Variants in RLF observed in about 807,000 individuals in gnomAD.
RLF encodes zinc finger protein Rlf.
In RLF, 7 loss-of-function variants were observed where a neutral mutation model predicts 162.9. The ratio of observed to expected loss-of-function variants is 0.04; its 90% CI spans 0.02 to 0.08. The LOEUF is 0.08. Among genes scored for constraint, RLF ranks in the 10% least tolerant of loss-of-function variants. The pLI is 1.00. For missense variants in RLF, 1,664 were observed against 2,244.7 expected (o/e 0.74, Z 5.23); for synonymous variants, 782 against 791.5 (o/e 0.99, Z 0.20).
rs1388872320 is a variant in RLF at position 40,240,469 on chromosome 1, C to T, written c.*22C>T. 2.8e-5 allele frequency: 43 copies of T among 1,549,670 alleles called. No homozygotes were observed. The highest frequency in any genetic ancestry group is 3.8e-5 in the Non-Finnish European group (43 of 1,129,020). The stretch of plus-strand genomic sequence containing the variant: ...ATAAGTAGCAATTTTGTTTTAGTAA[C>T]AGACTGGCTCCAACACTGCAACATG... On this transcript the variant is annotated 3_prime_UTR_variant, in exon 8 of 8. Transcript: ENST00000372771.
intron 5 of RLF, among the ~76,000 whole-genome samples, chr1:40,209,314 T>A (rs1642837649): frequency 6.6e-6 from 1 of 152,232 alleles, no homozygotes; most frequent in Admixed American, 6.5e-5. Flanking sequence ...TTTCCTTATC[T>A]ATAAAGTAGG....
At chr1:40,177,588 G>A (rs1482441237) in intron 1 of RLF, among the ~76,000 whole-genome samples, 2 of 151,916 alleles carry the variant, frequency 1.3e-5, no homozygotes, top group East Asian at 1.9e-4. Flanking sequence ...CCACTGCACC[G>A]GCCAACAGTG....
intron 4 of RLF, among the ~76,000 whole-genome samples, chr1:40,201,235 A>C (rs1642715777): frequency 1.3e-5 from 2 of 151,350 alleles, no homozygotes; most frequent in South Asian, 4.2e-4. Context: ...CAGTTTGTTT[A>C]CTCACCACTT....
intron 5 of RLF, among the ~76,000 whole-genome samples, chr1:40,205,118 C>G (rs1219948076): frequency 6.6e-6 from 1 of 152,178 alleles, no homozygotes; most frequent in African/African-American, 2.4e-5. Flanking sequence ...TATAACCACC[C>G]CATTGGCATT....
chr1:40,214,292 A>C (rs1418373907), intron 5 of RLF, among the ~76,000 whole-genome samples: 4 of 152,212 alleles, frequency 2.6e-5, no homozygotes, highest in African/African-American at 7.2e-5. Flanking sequence ...TAAGAGTTCT[A>C]ATCACCATTT....
chr1:40,235,621 T>A (rs1052304420), intron 7 of RLF, among the ~76,000 whole-genome samples, 171 bp from the exon 8 acceptor site: 1 of 152,230 alleles, frequency 6.6e-6, no homozygotes, highest in Admixed American at 6.5e-5. Flanking sequence ...TCTAATTTAG[T>A]TCTTTGCATG....
intron 1 of RLF, among the ~76,000 whole-genome samples, chr1:40,174,039 T>C (rs1482268523): frequency 6.6e-6 from 1 of 152,198 alleles, no homozygotes; most frequent in East Asian, 1.9e-4. Flanking sequence ...GCTGAGTAAC[T>C]GGAAAGACTG....
chr1:40,167,407 A>C (rs1045726980), intron 1 of RLF, among the ~76,000 whole-genome samples: 1 of 152,226 alleles, frequency 6.6e-6, no homozygotes, highest in Non-Finnish European at 1.5e-5. Flanking sequence ...TGTAATGCAC[A>C]TGACAAAAAC....
chr1:40,180,817 G>GT (rs981428753), intron 1 of RLF, among the ~76,000 whole-genome samples: 5 of 152,146 alleles, frequency 3.3e-5, no homozygotes, highest in Non-Finnish European at 5.9e-5. Context: ...AAGATTTGCT[G>GT]TATTTTCTCC....
chr1:40,235,150 C>A (rs957036141), intron 7 of RLF, among the ~76,000 whole-genome samples: 1 of 149,978 alleles, frequency 6.7e-6, no homozygotes, highest in Admixed American at 6.7e-5. Flanking sequence ...GCAACCTCCA[C>A]CTCCTGGGTT....
At chr1:40,205,157 A>G (rs147867811) in intron 5 of RLF, among the ~76,000 whole-genome samples, 111 of 152,252 alleles carry the variant, frequency 7.3e-4, no homozygotes, top group African/African-American at 2.3e-3. Flanking sequence ...GTCCTTAAAA[A>G]AGAGCTCTTC....
At chr1:40,169,582 GT>G (rs1218696354) in intron 1 of RLF, among the ~76,000 whole-genome samples, 1 of 128,352 alleles carries the variant, frequency 7.8e-6, no homozygotes, top group African/African-American at 3.0e-5. Flanking sequence ...CGCCACTGCA[GT>G]CCGCAGTCCA....
intron 2 of RLF, among the ~76,000 whole-genome samples, chr1:40,190,078 A>T (rs1218933520): frequency 3.3e-5 from 5 of 151,818 alleles, no homozygotes; most frequent in African/African-American, 1.2e-4. Context: ...TGGTTTTATG[A>T]TCATATTTTT....
At position 40,161,926 on chromosome 1, in the gene RLF, C is replaced by T. The variant is rs565863187; in HGVS notation, c.237+290C>T. Among the ~76,000 whole-genome samples, 2 of 152,236 alleles carry T rather than the reference C, an allele frequency of 1.3e-5. No homozygotes were observed. Among genetic ancestry groups the T allele is most frequent in the East Asian group, 3.9e-4 (2 of 5,172 alleles). On this transcript the variant is annotated intron_variant, in intron 1 of 7. Transcript: ENST00000372771. The surrounding 1 kb of genome is among the most constrained non-coding windows in gnomAD (Gnocchi z 4.4). ...CTGTCGCCGTTGCCTGTGTCCTGGCCGGGTGGTTGGAGCGCCACTGCCCCC... is the reference window on the plus strand; with the variant it reads ...CTGTCGCCGTTGCCTGTGTCCTGGCTGGGTGGTTGGAGCGCCACTGCCCCC...
chr1:40,232,735 C>T (rs952021652), intron 7 of RLF, among the ~76,000 whole-genome samples: 5 of 152,152 alleles, frequency 3.3e-5, no homozygotes, highest in African/African-American at 1.2e-4. Flanking sequence ...AGACAGGTCT[C>T]GCTCTGTCAC....
chr1:40,238,965 C>T lies in RLF; in HGVS notation c.4263C>T (p.Phe1421=). The part of the protein sequence containing the change: ...QPQCPAVFYT[F]NKLKHHLMEQ... ...AGTGCCCTGCTGTTTTTTATACATT[C>T]AACAAGTTGAAGCACCACTTGATGG... Residue 1421 remains phenylalanine, a synonymous_variant, in exon 8 of 8, where the codon TTC becomes TTT. Coordinates refer to ENST00000372771, the MANE Select transcript of RLF (RefSeq NM_012421.4). The surrounding 1 kb of genome is among the most constrained non-coding windows in gnomAD (Gnocchi z 5.2). The T allele has an allele frequency of 1.9e-6, 3 of 1,614,116 alleles. No homozygotes were observed. The highest frequency in any genetic ancestry group is 2.5e-6 in the Non-Finnish European group (3 of 1,180,026).
chr1:40,177,292 C>CTTTT lies in RLF; in HGVS notation c.238-11753_238-11750dup, dbSNP rs552640229. Among the ~76,000 whole-genome samples, 3 of 144,060 alleles carry CTTTT rather than the reference C, an allele frequency of 2.1e-5. No individual in the cohort carries two copies. The East Asian group carries it at 6.0e-4, about 29-fold the overall frequency. The allele number at this position is 144,060 out of a possible 152,430, so 94.5% of individuals were successfully genotyped here. A position where few individuals can be genotyped will look rare whatever the true frequency, so the allele number is the denominator to read the frequency against. On this transcript the variant is annotated intron_variant, in intron 1 of 7. Coordinates refer to ENST00000372771, the MANE Select transcript of RLF (RefSeq NM_012421.4). ...GCCTTAACAGTGTATTTCTTTCTTT[C>CTTTT]TTTTTTTTTTTTTGGGAGGCGGAGT...
chr1:40,185,928 AG>A (rs1642474606), intron 1 of RLF, among the ~76,000 whole-genome samples: 1 of 149,058 alleles, frequency 6.7e-6, no homozygotes, highest in African/African-American at 2.5e-5. Flanking sequence ...AGGCCAAGGC[AG>A]GCGGATCACT....
Position 40,197,875 on chromosome 1 carries a change from A to G in RLF, c.607+2111A>G, listed in dbSNP as rs116323249. Among the ~76,000 whole-genome samples, 439 of 152,330 alleles carry G rather than the reference A, an allele frequency of 2.9e-3. 1 individual carries two copies. The highest frequency in any genetic ancestry group is 0.014 in the Middle Eastern group (4 of 294). ...TGCCCCTGCAGGCCAGATATTTAAC[A>G]TATTTGATACCAAAAAGCAGTGATG... On this transcript the variant is annotated intron_variant, in intron 4 of 7. Coordinates refer to ENST00000372771, the MANE Select transcript of RLF (RefSeq NM_012421.4).
Sources: gnomAD v4.1 joint callset for allele counts (sites outside exome capture counted in the v4.1 genomes callset) on GRCh38, gnomAD v4.1.1 for gene constraint, Gnocchi (gnomAD v3.1) non-coding constraint, MANE v1.5 for transcripts, NCBI Gene and HGNC (gene_info 2026-07-23, HGNC 2026-07-21) for gene names.